The following MC2R variants were observed in gnomAD, a reference collection of about 807,000 sequenced individuals.
The protein encoded by MC2R is melanocortin 2 receptor, also known as adrenocorticotropic hormone receptor.
In MC2R, 9 loss-of-function variants were observed where a neutral mutation model predicts 9.8. The observed-to-expected ratio is 0.92, with a 90% CI of 0.55 to 1.60. The LOEUF (loss-of-function observed/expected upper bound fraction) is 1.60, where lower values mean the gene tolerates loss of function less well. MC2R is among the 40% of genes most tolerant of loss of function. MC2R has a pLI of 0.00. For synonymous variants in MC2R, 185 were observed against 154.7 expected, an observed-to-expected ratio of 1.20 and a Z score of -1.45; for missense variants, 370 against 389.0, an observed-to-expected ratio of 0.95 and a Z score of 0.41.
chr18:13,908,211 T>G (rs1355315936), intron 1 of MC2R, among the ~76,000 whole-genome samples: 6 of 152,210 alleles, frequency 3.9e-5, no homozygotes, highest in Non-Finnish European at 2.9e-5. Context: ...AATGAAATCT[T>G]GTCATTTGCA....
intron 1 of MC2R, among the ~76,000 whole-genome samples, chr18:13,910,866 A>G (rs754514): frequency 0.04 from 6,078 of 152,318 alleles, 350 homozygotes; most frequent in African/African-American, 0.14. Flanking sequence ...GGGAGCTGGC[A>G]GATGCCCCTG....
intron 1 of MC2R, among the ~76,000 whole-genome samples, chr18:13,912,911 T>C (rs1410709987): frequency 6.6e-6 from 1 of 152,080 alleles, no homozygotes; most frequent in African/African-American, 2.4e-5. Context: ...GGGAGCCTTA[T>C]TTTGGGGGTG....
chr18:13,914,956 T>C (rs968655193), intron 1 of MC2R, among the ~76,000 whole-genome samples: 1 of 152,218 alleles, frequency 6.6e-6, no homozygotes, highest in Non-Finnish European at 1.5e-5. Context: ...AGCTAGTGGT[T>C]GAGAAAGGCA....
intron 1 of MC2R, among the ~76,000 whole-genome samples, chr18:13,910,171 A>G (rs1006713271): frequency 7.9e-5 from 12 of 152,324 alleles, no homozygotes; most frequent in Middle Eastern, 6.8e-3. Flanking sequence ...GTTTGTTGAA[A>G]AGTCTACCCT....
chr18:13,885,451 C>T lies in MC2R; in HGVS notation c.68G>A (p.Arg23His), dbSNP rs200475181. ...NTARNNSDCPRVVLPEEIFFT... is the reference protein window; with the variant it reads ...NTARNNSDCPHVVLPEEIFFT... ...AAATATCTCCTCCGGCAAAACCACACGAGGACAGTCGGAATTATTTCTTGC... is the reference window on the plus strand; with the variant it reads ...AAATATCTCCTCCGGCAAAACCACATGAGGACAGTCGGAATTATTTCTTGC... Residue 23 changes from arginine to histidine, a missense_variant, in exon 2 of 2, where the codon CGT (arginine) becomes CAT (histidine). Physicochemically the swap from Arg to His is conservative, Grantham distance 29. Transcript: ENST00000327606. The T allele has an allele frequency of 1.7e-5, 27 of 1,614,094 alleles. No individual in the cohort carries two copies. Among genetic ancestry groups the T allele is most frequent in the Non-Finnish European group, 1.8e-5 (21 of 1,180,004 alleles).
chr18:13,891,465 G>A (rs974606134), intron 1 of MC2R, among the ~76,000 whole-genome samples: 5 of 152,240 alleles, frequency 3.3e-5, no homozygotes, highest in Non-Finnish European at 5.9e-5. Flanking sequence ...GAGGGCAAAT[G>A]TGTATGCATG....
intron 1 of MC2R, 37 bp downstream of exon 1, chr18:13,915,451 C>G (rs904355677): frequency 6.6e-6 from 1 of 152,632 alleles, no homozygotes. Context: ...TCCAAAAGCA[C>G]TTAGCAAGCT....
Position 13,884,830 on chromosome 18 carries a change from A to AAGATGAAG in MC2R, c.681_688dup (p.Phe230SerfsTer15), listed in dbSNP as rs1567895448. On this transcript the variant is annotated frameshift_variant, in exon 2 of 2. Transcript: ENST00000327606. LOFTEE classifies it high-confidence loss of function. ...ATGAAGCACAAAGGGGGCCCAGCAG[A>AAGATGAAG]AGATGAAGACCCCGAGCAGGATGGT... The AAGATGAAG allele has an allele frequency of 6.2e-7, 1 of 1,614,044 alleles. No homozygotes were observed. The highest frequency in any genetic ancestry group is 1.1e-5 in the South Asian group (1 of 91,072).
chr18:13,886,729 G>A (rs16941288), intron 1 of MC2R, among the ~76,000 whole-genome samples: 13,882 of 152,226 alleles, frequency 0.091, 1,012 homozygotes, highest in African/African-American at 0.19. Flanking sequence ...GGGTGAAGGC[G>A]GACTGCGGCA....
intron 1 of MC2R, among the ~76,000 whole-genome samples, chr18:13,887,633 C>G (rs549381217): frequency 6.6e-6 from 1 of 152,310 alleles, no homozygotes; most frequent in African/African-American, 2.4e-5. Flanking sequence ...CAGAGGCCCT[C>G]TGGGATGGGG....
intron 1 of MC2R, among the ~76,000 whole-genome samples, chr18:13,903,682 A>G (rs1023907111): frequency 2.0e-5 from 3 of 152,158 alleles, no homozygotes; most frequent in African/African-American, 7.2e-5. Context: ...CTGGAAAGTT[A>G]GTGTATGTGT....
intron 1 of MC2R, among the ~76,000 whole-genome samples, chr18:13,907,771 A>T (rs570750659): frequency 6.6e-6 from 1 of 152,376 alleles, no homozygotes; most frequent in Admixed American, 6.5e-5. Context: ...AAACAGGTAT[A>T]TGAAAAATTT....
At chr18:13,914,063 T>C (rs1228378811) in intron 1 of MC2R, among the ~76,000 whole-genome samples, 6 of 151,532 alleles carry the variant, frequency 4.0e-5, no homozygotes, top group African/African-American at 1.5e-4. Context: ...GAATAGGATT[T>C]TTTTTTTTTT....
intron 1 of MC2R, among the ~76,000 whole-genome samples, chr18:13,905,827 G>A (rs2149142394): frequency 6.6e-6 from 1 of 152,190 alleles, no homozygotes; most frequent in Admixed American, 6.5e-5. Flanking sequence ...GAAGGCCGAG[G>A]TGGGTGGATC....
intron 1 of MC2R, among the ~76,000 whole-genome samples, chr18:13,899,550 T>C (rs943360964): frequency 4.6e-5 from 7 of 152,112 alleles, no homozygotes; most frequent in African/African-American, 1.7e-4. Flanking sequence ...CAAATAAGAC[T>C]ACCTCAAGGC....
chr18:13,895,015 G>A (rs2045338046), intron 1 of MC2R, among the ~76,000 whole-genome samples: 1 of 151,696 alleles, frequency 6.6e-6, no homozygotes, highest in Admixed American at 6.6e-5. Context: ...CTTGTCTCCT[G>A]AGCAGCCGGG....
chr18:13,899,676 T>G (rs1389100494), intron 1 of MC2R, among the ~76,000 whole-genome samples: 2 of 152,076 alleles, frequency 1.3e-5, no homozygotes, highest in Non-Finnish European at 2.9e-5. Flanking sequence ...CAGCAGAAAT[T>G]TTACAGGCCA....
At chr18:13,886,522 G>A (rs1386215615) in intron 1 of MC2R, among the ~76,000 whole-genome samples, 1 of 152,198 alleles carries the variant, frequency 6.6e-6, no homozygotes, top group Non-Finnish European at 1.5e-5. Context: ...CGGTGGACTC[G>A]GGAGATGTTT....
chr18:13,895,673 A>G (rs1038276174), intron 1 of MC2R, among the ~76,000 whole-genome samples: 1 of 152,092 alleles, frequency 6.6e-6, no homozygotes, highest in Non-Finnish European at 1.5e-5. Flanking sequence ...GATACAGTCT[A>G]CCTCCAGGAA....
Sources: allele counts gnomAD v4.1 joint callset (sites outside exome capture counted in the v4.1 genomes callset), GRCh38; gene constraint gnomAD v4.1.1; transcripts MANE v1.5; gene names NCBI Gene and HGNC (gene_info 2026-07-23, HGNC 2026-07-21).